The following NINL variants were observed in gnomAD, a reference collection of about 807,000 sequenced individuals.
The protein encoded by NINL is ninein like, also known as ninein-like protein.
A neutral mutation model predicts 160.3 loss-of-function variants in NINL; 153 were observed. That is an observed-to-expected ratio of 0.95 (90% CI 0.84 to 1.09). NINL has a LOEUF of 1.09. NINL is among the 50% of genes least tolerant of loss of function. The probability of loss-of-function intolerance (pLI) is 0.00; values close to 1 mark genes in which losing one functional copy is unlikely to be tolerated. For synonymous variants in NINL, 800 were observed against 734.8 expected, an observed-to-expected ratio of 1.09 and a Z score of -1.43; for missense variants, 1,829 against 1,764.0, an observed-to-expected ratio of 1.04 and a Z score of -0.66.
chr20:25,549,860 C>G (rs979068549), intron 1 of NINL, among the ~76,000 whole-genome samples: 1 of 152,164 alleles, frequency 6.6e-6, no homozygotes, highest in East Asian at 1.9e-4. Context: ...TCTCAGAACT[C>G]CAGGTAGAAT....
chr20:25,463,661 G>A (rs2062843924), intron 19 of NINL, among the ~76,000 whole-genome samples: 1 of 152,208 alleles, frequency 6.6e-6, no homozygotes, highest in South Asian at 2.1e-4. Context: ...CTGGGGGTTT[G>A]GAGTGATGTC....
intron 2 of NINL, among the ~76,000 whole-genome samples, chr20:25,525,173 C>T (rs1400675253): frequency 6.6e-6 from 1 of 152,102 alleles, no homozygotes; most frequent in Non-Finnish European, 1.5e-5. Flanking sequence ...GAGGAGAGTT[C>T]CTTATGAGGG....
At chr20:25,525,839 C>T (rs1042057305) in intron 2 of NINL, among the ~76,000 whole-genome samples, 5 of 152,084 alleles carry the variant, frequency 3.3e-5, no homozygotes, top group African/African-American at 1.2e-4. Flanking sequence ...GACCAAGATC[C>T]CCATTCTAGA....
chr20:25,456,082 A>C (rs925418813), intron 22 of NINL, among the ~76,000 whole-genome samples: 2 of 151,270 alleles, frequency 1.3e-5, no homozygotes, highest in Non-Finnish European at 2.9e-5. Context: ...AGTCTCAAAA[A>C]AAAAAGAAAA....
At position 25,504,073 on chromosome 20, in the gene NINL, T is replaced by C; in HGVS notation, c.740A>G (p.Gln247Arg). The change falls in exon 7 of 24, where the codon CAA becomes CGA. Residue 247 changes from glutamine (Q) to arginine (R), a missense_variant. Transcript: ENST00000278886. ...AAGACTCACTTTGCCGTCTCCGTCT[T>C]GATCCAGTTTGTTAAACAGGTCTTC... ...ELEDLFNKLD[Q>R]DGDGKVSLEE... 1 of 1,596,170 alleles carries C rather than the reference T, an allele frequency of 6.3e-7. No homozygotes were observed. Among genetic ancestry groups the C allele is most frequent in the African/African-American group, 1.3e-5 (1 of 74,200 alleles).
At chr20:25,478,783 T>G (rs1367102614) in intron 16 of NINL, 140 bp downstream of exon 16, 6 of 865,528 alleles carry the variant, frequency 6.9e-6, no homozygotes, top group Non-Finnish European at 1.0e-5. Flanking sequence ...CCTGTTCTTT[T>G]GGCACTCACC....
At chr20:25,495,536 C>T (rs969809001) in intron 10 of NINL, among the ~76,000 whole-genome samples, 2 of 152,136 alleles carry the variant, frequency 1.3e-5, no homozygotes, top group African/African-American at 4.8e-5. Context: ...ACTGCAGCCT[C>T]GGGCAGACCT....
rs1432493961 is a variant in NINL at position 25,480,251 on chromosome 20, A to G, written c.1827T>C (p.Gly609=). The change falls in exon 15 of 24, where the codon GGT becomes GGC. Residue 609 remains glycine (G), a synonymous_variant. Transcript: ENST00000278886. ...TTTCTATACTCACTGGAGCAGAATT[A>G]CCCAGGAATGAAATGCCTGCAAACA... ...GLGPAGISFL[G]NSAPVSIETE... 1 of 1,613,724 alleles carries G rather than the reference A, an allele frequency of 6.2e-7. No homozygotes were observed. The highest frequency in any genetic ancestry group is 8.5e-7 in the Non-Finnish European group (1 of 1,179,928).
intron 21 of NINL, among the ~76,000 whole-genome samples, chr20:25,460,447 T>C (rs1254036944): frequency 2.6e-5 from 4 of 152,172 alleles, no homozygotes; most frequent in South Asian, 2.1e-4. Flanking sequence ...GGGTGTGGAA[T>C]GCTCTCCCTT....
chr20:25,564,794 C>G (rs1218599160), intron 1 of NINL, among the ~76,000 whole-genome samples: 1 of 103,794 alleles, frequency 9.6e-6, no homozygotes, highest in Non-Finnish European at 2.1e-5. Flanking sequence ...CATTTAAGTC[C>G]TCCCCACAAT....
chr20:25,455,615 A>G (rs993308472), intron 23 of NINL, 58 bp downstream of exon 23: 161 of 1,277,490 alleles, frequency 1.3e-4, no homozygotes, highest in Non-Finnish European at 1.7e-4. Flanking sequence ...ACACCCATAA[A>G]AGTGGAGAGC....
rs1281872343 is a variant in NINL, at chr20:25,526,554, G to A, written c.34C>T (p.Leu12Phe). 1.9e-6 allele frequency: 3 copies of A among 1,614,240 alleles called. No individual in the cohort carries two copies. Among genetic ancestry groups the A allele is most frequent in the Non-Finnish European group, 2.5e-6 (3 of 1,180,038 alleles). Residue 12 changes from leucine (L) to phenylalanine (F), a missense_variant, in exon 2 of 24, where the codon CTC becomes TTC. Leu to Phe is a conservative substitution (Grantham distance 22). Transcript: ENST00000278886. ...DEEENHYVSQ[L>F]REVYSSCDTT... ...TCGCAGCTGCTGTAGACTTCCCTGA[G>A]CTGCGAGACATAGTGGTTCTCTTCT... is the stretch of plus-strand genomic sequence containing the variant.
intron 22 of NINL, among the ~76,000 whole-genome samples, chr20:25,456,241 C>CA (rs34657031): frequency 0.034 from 1,388 of 40,544 alleles, 116 homozygotes; most frequent in African/African-American, 0.08. Flanking sequence ...GACTCCATCT[C>CA]AAAAAAAAAA....
Position 25,529,967 on chromosome 20 carries a change from G to A in NINL, c.-11-3369C>T, listed in dbSNP as rs1028619329. On this transcript the variant is annotated intron_variant, in intron 1 of 23. Transcript: ENST00000278886. ...GACCCCAGGCAAAGGGGAGCAGGAT[G>A]CCTCCAGGGCTCACCCAGCCCACCA... is the stretch of plus-strand genomic sequence containing the variant. 5.9e-5 allele frequency among the ~76,000 whole-genome samples: 9 copies of A among 152,336 alleles called. No homozygotes were observed. In the South Asian group the frequency reaches 1.7e-3, roughly 28 times the overall value.
chr20:25,498,452 A>C, intron 8 of NINL, 106 bp from the exon 9 acceptor site: 2 of 1,424,170 alleles, frequency 1.4e-6, no homozygotes, highest in Non-Finnish European at 1.9e-6. Context: ...TGGCTGTCCC[A>C]GGCAGCACCT....
chr20:25,480,638 AGAT>A (rs2063368109), intron 14 of NINL, among the ~76,000 whole-genome samples: 3 of 152,218 alleles, frequency 2.0e-5, no homozygotes, highest in Admixed American at 2.0e-4. Context: ...GCAGAGCTTT[AGAT>A]GATGTGCCGA....
intron 1 of NINL, among the ~76,000 whole-genome samples, chr20:25,575,379 G>C (rs376385668): frequency 1.3e-5 from 2 of 149,182 alleles, no homozygotes; most frequent in East Asian, 4.0e-4. Context: ...CCCAGAAGGC[G>C]GAGCTTGCAG....
At chr20:25,519,989 CAAAAAA>C (rs59160061) in intron 2 of NINL, among the ~76,000 whole-genome samples, 76 of 12,092 alleles carry the variant, frequency 6.3e-3, no homozygotes, top group African/African-American at 0.013. Flanking sequence ...GACCCCGTCT[CAAAAAA>C]AAAAAAAAAA....
Position 25,535,760 on chromosome 20 carries a change from T to C in NINL, c.-11-9162A>G, listed in dbSNP as rs1422131189. ...CCTGCTTTCTGAAACTGCCCAACTC[T>C]GTTCTCCTACAGCACTTTTATCTGG... On this transcript the variant is annotated intron_variant, in intron 1 of 23. Coordinates refer to ENST00000278886, the MANE Select transcript of NINL (RefSeq NM_025176.6). 2.0e-5 allele frequency among the ~76,000 whole-genome samples: 3 copies of C among 152,188 alleles called. No homozygotes were observed. In the East Asian group the frequency reaches 5.8e-4, roughly 29 times the overall value.
Sources: gnomAD v4.1 joint callset for allele counts (sites outside exome capture counted in the v4.1 genomes callset) on GRCh38, gnomAD v4.1.1 for gene constraint, MANE v1.5 for transcripts, NCBI Gene and HGNC (gene_info 2026-07-23, HGNC 2026-07-21) for gene names.